AFDN: variants seen among roughly 807,000 people sequenced by gnomAD.
The protein encoded by AFDN is afadin.
Under a neutral mutation model 216.6 loss-of-function variants are expected in AFDN, and 68 were observed. The ratio of observed to expected loss-of-function variants is 0.31; its 90% confidence interval spans 0.26 to 0.38. The LOEUF (loss-of-function observed/expected upper bound fraction) is 0.38, where lower values mean the gene tolerates loss of function less well. Ranked by LOEUF, AFDN falls within the 10% of genes least tolerant of loss-of-function variation. The pLI, the probability that AFDN is intolerant of heterozygous loss-of-function variation, is 1.00. For missense variants in AFDN, 2,136 were observed against 2,342.0 expected, an observed-to-expected ratio of 0.91 and a Z score of 1.82; for synonymous variants, 868 against 853.7, an observed-to-expected ratio of 1.02 and a Z score of -0.29.
intron 1 of AFDN, among the ~76,000 whole-genome samples, chr6:167,843,256 G>T (rs1224368177): frequency 2.6e-5 from 4 of 152,120 alleles, no homozygotes; most frequent in Non-Finnish European, 4.4e-5. Flanking sequence ...TCACCTGGAG[G>T]ACTCCAGACT....
rs534991986 is a variant in AFDN at position 167,955,627 on chromosome 6, A to G, written c.4833+3440A>G. ...CTCAGGCCCAAAGAGAGTTTCTTAT[A>G]CTATGAAGAATTCTGTGACACATGA... On this transcript the variant is annotated intron_variant, in intron 30 of 33. Transcript: ENST00000683244. 3.9e-5 allele frequency among the ~76,000 whole-genome samples: 6 copies of G among 152,328 alleles called. No homozygotes were observed. In the East Asian group the frequency reaches 1.2e-3, roughly 29 times the overall value.
intron 31 of AFDN, chr6:167,963,963 C>G: frequency 5.6e-6 from 6 of 1,064,794 alleles, no homozygotes; most frequent in Non-Finnish European, 6.8e-6. Context: ...GCACAGTGCC[C>G]ATTGCTATAG....
At chr6:167,857,102 G>A (rs932175284) in intron 1 of AFDN, among the ~76,000 whole-genome samples, 4 of 152,000 alleles carry the variant, frequency 2.6e-5, no homozygotes, top group South Asian at 2.1e-4. Context: ...CTATGATTAC[G>A]GTAAGATGGA....
chr6:167,953,746 G>A (rs925046848), intron 30 of AFDN, among the ~76,000 whole-genome samples: 9 of 152,152 alleles, frequency 5.9e-5, no homozygotes, highest in Admixed American at 1.3e-4. Context: ...GCCTGCTGGC[G>A]CCAGGTGCAT....
At chr6:167,902,651 AT>A (rs1215087301) in intron 12 of AFDN, among the ~76,000 whole-genome samples, 1 of 152,240 alleles carries the variant, frequency 6.6e-6, no homozygotes, top group Non-Finnish European at 1.5e-5. Context: ...GGAACAATAT[AT>A]ATTATAACAA....
intron 31 of AFDN, chr6:167,963,880 A>G (rs1797275504): frequency 9.4e-7 from 1 of 1,064,562 alleles, no homozygotes; most frequent in Non-Finnish European, 1.1e-6. Flanking sequence ...TTGCTGTTCC[A>G]TGAAAGCGCT....
At chr6:167,895,309 C>G (rs1300817324) in intron 9 of AFDN, among the ~76,000 whole-genome samples, 1 of 152,010 alleles carries the variant, frequency 6.6e-6, no homozygotes, top group Non-Finnish European at 1.5e-5. Context: ...TTAAAACACA[C>G]AAAATAGTAA....
intron 30 of AFDN, among the ~76,000 whole-genome samples, chr6:167,953,107 A>ATG (rs1388418214): frequency 1.3e-5 from 2 of 152,204 alleles, no homozygotes; most frequent in Non-Finnish European, 2.9e-5. Flanking sequence ...TATTGTGTTC[A>ATG]TGAGTTTTAG....
At chr6:167,897,102 T>A (rs1788357830) in intron 10 of AFDN, 130 bp downstream of exon 10, 1 of 472,220 alleles carries the variant, frequency 2.1e-6, no homozygotes. Flanking sequence ...AAATAATTTA[T>A]CTACTCTGGG....
At chr6:167,939,885 G>A (rs1794473632) in intron 23 of AFDN, among the ~76,000 whole-genome samples, 1 of 152,202 alleles carries the variant, frequency 6.6e-6, no homozygotes, top group Non-Finnish European at 1.5e-5. Context: ...AAAAGCATAT[G>A]TATTATTCTT....
chr6:167,950,854 C>CTTTTTTT (rs562302204), intron 29 of AFDN, among the ~76,000 whole-genome samples: 1 of 127,408 alleles, frequency 7.8e-6, no homozygotes, highest in Non-Finnish European at 1.7e-5. Flanking sequence ...TGCTTTTTTG[C>CTTTTTTT]TTTTTTTTTT....
intron 1 of AFDN, among the ~76,000 whole-genome samples, chr6:167,854,661 A>G (rs555143077): frequency 6.6e-6 from 1 of 151,676 alleles, no homozygotes; most frequent in South Asian, 2.1e-4. Flanking sequence ...CTGTCCCAAC[A>G]CATTTATGAA....
intron 12 of AFDN, among the ~76,000 whole-genome samples, chr6:167,902,783 G>A (rs767027231): frequency 2.4e-4 from 37 of 152,228 alleles, no homozygotes; most frequent in Non-Finnish European, 4.3e-4. Context: ...TGTAGAAAGA[G>A]AAACTGCAGA....
intron 12 of AFDN, among the ~76,000 whole-genome samples, chr6:167,903,496 C>T (rs181517614): frequency 2.0e-5 from 3 of 152,340 alleles, no homozygotes; most frequent in Non-Finnish European, 2.9e-5. Flanking sequence ...GACACAACCC[C>T]GTTTCCTCCA....
rs754368055 is a variant in AFDN, at chr6:167,952,028, C to G, written c.4674C>G (p.Ala1558=). The G allele has an allele frequency of 1.9e-6, 3 of 1,614,026 alleles. No individual in the cohort carries two copies. Among genetic ancestry groups the G allele is most frequent in the South Asian group, 1.1e-5 (1 of 91,080 alleles). The change falls in exon 30 of 34, where the codon GCC becomes GCG. Residue 1558 remains alanine, a synonymous_variant. Transcript: ENST00000683244. ...QELQSKPDRS[A]EESDRLRKLM... is the part of the protein sequence containing the mutation. ...TCCAGAGCAAACCGGACCGCAGCGC[C>G]GAGGAGAGCGACCGGCTGCGCAAGC...
intron 30 of AFDN, among the ~76,000 whole-genome samples, chr6:167,957,163 T>TG (rs144616469): frequency 1.3e-5 from 2 of 150,872 alleles, no homozygotes; most frequent in African/African-American, 4.8e-5. Context: ...GCCACCTTTC[T>TG]GGGGGGGCCC....
intron 31 of AFDN, among the ~76,000 whole-genome samples, chr6:167,965,377 T>C (rs1291644274): frequency 5.9e-5 from 9 of 152,036 alleles, no homozygotes; most frequent in Non-Finnish European, 1.5e-5. Flanking sequence ...CAGTAACAGG[T>C]AAGTTAATAT....
intron 1 of AFDN, among the ~76,000 whole-genome samples, chr6:167,861,831 T>G (rs150752222): frequency 6.6e-6 from 1 of 152,348 alleles, no homozygotes; most frequent in African/African-American, 2.4e-5. Context: ...TTTCTTGTCA[T>G]CCTTTGGTAC....
intron 25 of AFDN, among the ~76,000 whole-genome samples, 194 bp downstream of exon 25, chr6:167,943,669 C>T (rs552842130): frequency 3.2e-4 from 48 of 152,202 alleles, no homozygotes; most frequent in African/African-American, 1.2e-3. Flanking sequence ...TTCTTTGAAA[C>T]TTGAAAGAAA....
Sources: gnomAD v4.1 joint callset for allele counts (sites outside exome capture counted in the v4.1 genomes callset) on GRCh38, gnomAD v4.1.1 for gene constraint, MANE v1.5 for transcripts, NCBI Gene and HGNC (gene_info 2026-07-23, HGNC 2026-07-21) for gene names.